The following LRRC43 variants were observed in gnomAD, a reference collection of about 807,000 sequenced individuals.
LRRC43 encodes the protein leucine rich repeat containing 43.
Under a neutral mutation model 64.3 loss-of-function variants are expected in LRRC43, and 62 were observed. The observed-to-expected ratio is 0.96, with a 90% CI of 0.79 to 1.19. The LOEUF (loss-of-function observed/expected upper bound fraction) is 1.19, where lower values mean the gene tolerates loss of function less well. LRRC43 is among the 50% of genes most tolerant of loss of function. The pLI, the probability that LRRC43 is intolerant of heterozygous loss-of-function variation, is 0.00. For missense variants in LRRC43, 868 were observed against 845.0 expected, an observed-to-expected ratio of 1.03 and a Z score of -0.34; for synonymous variants, 422 against 382.3, an observed-to-expected ratio of 1.10 and a Z score of -1.21.
At chr12:122,199,286 T>C (rs1220738676) in intron 7 of LRRC43, among the ~76,000 whole-genome samples, 1 of 140,202 alleles carries the variant, frequency 7.1e-6, no homozygotes, top group Non-Finnish European at 1.5e-5. Flanking sequence ...AGCTTTTTTT[T>C]TTTTTTTTTT....
chr12:122,183,368 G>A, intron 1 of LRRC43, 74 bp downstream of exon 1: 2 of 1,362,292 alleles, frequency 1.5e-6, no homozygotes, highest in South Asian at 1.7e-5. Context: ...CGAGCGGAGC[G>A]GGCTGGTCCC....
At chr12:122,199,039 G>A (rs1953803574) in intron 7 of LRRC43, among the ~76,000 whole-genome samples, 1 of 149,862 alleles carries the variant, frequency 6.7e-6, no homozygotes, top group African/African-American at 2.5e-5. Context: ...GTGCAGTGGC[G>A]CGATCTCGGC....
Position 122,200,341 on chromosome 12 carries a change from G to C in LRRC43, c.1491+11G>C. On this transcript the variant is annotated intron_variant, in intron 8 of 11. Coordinates refer to ENST00000339777, the MANE Select transcript of LRRC43 (RefSeq NM_001098519.2). The surrounding 1 kb of genome is among the most constrained non-coding windows in gnomAD (Gnocchi z 4.6). ...ATCGTGGAGGAGAAGGTGGGCAGGC[G>C]GAGGCAGTGCCCGGCCATCCACAGG... is the stretch of plus-strand genomic sequence containing the variant. 6.2e-7 allele frequency: 1 copy of C among 1,609,532 alleles called. No individual in the cohort carries two copies. Among genetic ancestry groups the C allele is most frequent in the Non-Finnish European group, 8.5e-7 (1 of 1,179,570 alleles).
At position 122,200,382 on chromosome 12, in the gene LRRC43, T is replaced by G. The variant is rs758041947; in HGVS notation, c.1491+52T>G. 10 of 1,607,006 alleles carry G rather than the reference T, an allele frequency of 6.2e-6. No homozygotes were observed. The highest frequency in any genetic ancestry group is 2.2e-5 in the South Asian group (2 of 90,774). On this transcript the variant is annotated intron_variant, in intron 8 of 11. Coordinates refer to ENST00000339777, the MANE Select transcript of LRRC43 (RefSeq NM_001098519.2). This position sits in a 1 kb window ranked among gnomAD's most constrained non-coding sequence, Gnocchi z 4.6. Reference sequence around the variant, plus strand: ...CATCCACAGGCTGCACTTCTGTCCTTGTTCCTGTTCCCATCGGGCTGTCCC... The same window carrying G: ...CATCCACAGGCTGCACTTCTGTCCTGGTTCCTGTTCCCATCGGGCTGTCCC...
rs1220117579 is a variant in LRRC43 at position 122,198,137 on chromosome 12, T to C, written c.1350-2052T>C. ...CTGGAATTACAGGTGCCCACCACCA[T>C]GCCCGGCTAATTTTTGTATTTTTAG... On this transcript the variant is annotated intron_variant, in intron 7 of 11. Transcript: ENST00000339777. 2.0e-5 allele frequency among the ~76,000 whole-genome samples: 3 copies of C among 152,076 alleles called. No homozygotes were observed. In the East Asian group the frequency reaches 5.8e-4, roughly 29 times the overall value.
At chr12:122,177,539 C>G (rs1431172449) in intron 1 of LRRC43, among the ~76,000 whole-genome samples, 1 of 151,324 alleles carries the variant, frequency 6.6e-6, no homozygotes, top group Non-Finnish European at 1.5e-5. Context: ...GGATCTTGCT[C>G]TCTCACCCAG....
At chr12:122,186,698 C>G (rs1037120642) in intron 3 of LRRC43, among the ~76,000 whole-genome samples, 1 of 152,170 alleles carries the variant, frequency 6.6e-6, no homozygotes, top group African/African-American at 2.4e-5. Flanking sequence ...GCAGGTGGAT[C>G]ACCTGAGGTC....
At chr12:122,171,548 G>C (rs1223793063) in intron 1 of LRRC43, among the ~76,000 whole-genome samples, 1 of 151,932 alleles carries the variant, frequency 6.6e-6, no homozygotes, top group East Asian at 1.9e-4. Flanking sequence ...TTTTTTTAGA[G>C]ATGGGATCTT....
At chr12:122,170,348 G>A (rs1345746728) in intron 1 of LRRC43, among the ~76,000 whole-genome samples, 5 of 151,976 alleles carry the variant, frequency 3.3e-5, no homozygotes, top group Non-Finnish European at 7.4e-5. Flanking sequence ...TGCCTGCTAC[G>A]GGGCCGGGCA....
chr12:122,180,453 A>T (rs907489309), upstream of LRRC43, among the ~76,000 whole-genome samples: 1 of 152,208 alleles, frequency 6.6e-6, no homozygotes, highest in Non-Finnish European at 1.5e-5. Context: ...CAGGAGGCGG[A>T]GGTTGCAGTG....
rs1212593963 is a variant in LRRC43, at chr12:122,193,405, AAAAAG to A, written c.1349+402_1349+406del. 5.3e-5 allele frequency among the ~76,000 whole-genome samples: 8 copies of A among 150,136 alleles called. No homozygotes were observed. The South Asian group carries it at 8.4e-4, about 16-fold the overall frequency. The stretch of plus-strand genomic sequence containing the variant: ...ATAAAAAAAAAAAAAAAAAAAAAAA[AAAAAG>A]GCCCACTAGACTGTTAGCTGTGCTG... On this transcript the variant is annotated intron_variant, in intron 7 of 11. Transcript: ENST00000339777.
intron 4 of LRRC43, among the ~76,000 whole-genome samples, chr12:122,188,141 T>C (rs926434502): frequency 6.6e-6 from 1 of 152,186 alleles, no homozygotes; most frequent in African/African-American, 2.4e-5. Context: ...GCATCTCGCT[T>C]TGTCGCCCAG....
chr12:122,201,365 G>A, intron 11 of LRRC43, 36 bp downstream of exon 11: 2 of 1,608,532 alleles, frequency 1.2e-6, no homozygotes, highest in Non-Finnish European at 1.7e-6. Flanking sequence ...GGCAGGGATT[G>A]TCAGGAGGAC....
At chr12:122,188,029 G>A in intron 4 of LRRC43, 189 bp downstream of exon 4, 2 of 589,082 alleles carry the variant, frequency 3.4e-6, no homozygotes, top group East Asian at 2.9e-5. Context: ...AAAGCCCGGG[G>A]AAGGAGAACA....
rs1451194484 is a variant in LRRC43, at chr12:122,191,650, A to G, written c.1089+83A>G. 2.9e-6 allele frequency: 3 copies of G among 1,044,388 alleles called. No homozygotes were observed. In the African/African-American group the frequency reaches 4.9e-5, roughly 17 times the overall value. 64.7% of individuals were successfully genotyped at this position (1,044,388 alleles called of 1,614,324 possible). A position where few individuals can be genotyped will look rare whatever the true frequency, so the allele number is the denominator to read the frequency against. On this transcript the variant is annotated intron_variant, in intron 6 of 11. Coordinates refer to ENST00000339777, the MANE Select transcript of LRRC43 (RefSeq NM_001098519.2). ...TGTGGGCCCCAGGAAAATCCTTTTAATTAATTAATTAATTTATTTATTGAG... is the reference window on the plus strand; with the variant it reads ...TGTGGGCCCCAGGAAAATCCTTTTAGTTAATTAATTAATTTATTTATTGAG...
chr12:122,187,933 T>A (rs1593146997), intron 4 of LRRC43, 93 bp downstream of exon 4: 4 of 1,348,544 alleles, frequency 3.0e-6, no homozygotes, highest in Admixed American at 1.9e-5. Flanking sequence ...TCAGCTTTGG[T>A]CTTTTTTGTA....
chr12:122,192,685 C>A (rs2136048705), intron 6 of LRRC43, 60 bp from the exon 7 acceptor site: 1 of 1,583,942 alleles, frequency 6.3e-7, no homozygotes, highest in Non-Finnish European at 8.6e-7. Flanking sequence ...ACACCCCCGG[C>A]ATCAGCTGAG....
In LRRC43 at chr12:122,183,161, A is replaced by G; in HGVS notation, c.17A>G (p.Glu6Gly). The G allele has an allele frequency of 6.5e-7, 1 of 1,547,534 alleles. No individual in the cohort carries two copies. The highest frequency in any genetic ancestry group is 1.2e-5 in the South Asian group (1 of 85,108). Residue 6 changes from glutamate (E) to glycine (G), a missense_variant, in exon 1 of 12, where the codon GAG becomes GGG. Transcript: ENST00000339777. MEASY[E>G]SESESESEAG... Reference sequence around the variant, plus strand: ...GCCCGGGCCATGGAGGCGTCGTACGAGTCCGAGTCCGAGTCCGAGTCTGAG... The same window carrying G: ...GCCCGGGCCATGGAGGCGTCGTACGGGTCCGAGTCCGAGTCCGAGTCTGAG...
At chr12:122,175,895 G>T (rs60145913) in intron 1 of LRRC43, among the ~76,000 whole-genome samples, 110 of 152,228 alleles carry the variant, frequency 7.2e-4, no homozygotes, top group Admixed American at 2.1e-3. Context: ...TCTATCTCCT[G>T]ACCTCAGGTG....
Sources: gnomAD v4.1 joint callset for allele counts (sites outside exome capture counted in the v4.1 genomes callset) on GRCh38, gnomAD v4.1.1 for gene constraint, Gnocchi (gnomAD v3.1) non-coding constraint, MANE v1.5 for transcripts, NCBI Gene and HGNC (gene_info 2026-07-23, HGNC 2026-07-21) for gene names.